CRISPLD2: variants seen among roughly 807,000 people sequenced by gnomAD.
CRISPLD2 encodes cysteine rich secretory protein LCCL domain containing 2, also known as cysteine-rich secretory protein LCCL domain-containing 2.
Under a neutral mutation model 71.1 loss-of-function variants are expected in CRISPLD2, and 47 were observed. The observed-to-expected ratio is 0.66, with a 90% CI of 0.52 to 0.84. CRISPLD2 has a LOEUF of 0.84. Among genes scored for constraint, CRISPLD2 ranks in the 40% least tolerant of loss-of-function variants. The probability of loss-of-function intolerance (pLI) is 0.00; values close to 1 mark genes in which losing one functional copy is unlikely to be tolerated. For missense variants in CRISPLD2, 830 were observed against 651.1 expected (o/e 1.27, Z -2.99); for synonymous variants, 317 against 250.1 (o/e 1.27, Z -2.52).
chr16:84,882,367 A>T (rs4782679), intron 13 of CRISPLD2, among the ~76,000 whole-genome samples: 1 of 101,632 alleles, frequency 9.8e-6, no homozygotes, highest in Non-Finnish European at 2.0e-5. Context: ...AAAAAAAAAA[A>T]AAAAGCAAGA....
In CRISPLD2 at chr16:84,873,013, G is replaced by T; in HGVS notation, c.1003G>T (p.Ala335Ser). ...CCAGTCGTCTAGCATATGCCGCGCC[G>T]CCATCCACTACGGGATCCTGGATGA... ...YESSSSICRA[A>S]IHYGILDDKG... The change falls in exon 10 of 15, where the codon GCC (alanine) becomes TCC (serine). Residue 335 changes from alanine to serine, a missense_variant. Transcript: ENST00000262424. 1 of 1,613,140 alleles carries T rather than the reference G, an allele frequency of 6.2e-7. No homozygotes were observed. The highest frequency in any genetic ancestry group is 8.5e-7 in the Non-Finnish European group (1 of 1,179,638).
intron 5 of CRISPLD2, 83 bp from the exon 6 acceptor site, chr16:84,854,646 C>T: frequency 1.0e-6 from 1 of 965,264 alleles, no homozygotes; most frequent in Admixed American, 1.7e-5. Flanking sequence ...TGTTCAGGGA[C>T]TCACGTGGGC....
chr16:84,903,353 G>C (rs1356500773), intron 14 of CRISPLD2, among the ~76,000 whole-genome samples: 1 of 152,010 alleles, frequency 6.6e-6, no homozygotes, highest in Non-Finnish European at 1.5e-5. Context: ...GAGGCAGGCG[G>C]ATCATGAGCT....
chr16:84,827,650 T>C (rs1284836549), intron 1 of CRISPLD2, among the ~76,000 whole-genome samples: 1 of 151,406 alleles, frequency 6.6e-6, no homozygotes, highest in African/African-American at 2.4e-5. Context: ...CTTTGCAACC[T>C]TCACCTCCCG....
intron 13 of CRISPLD2, 32 bp downstream of exon 13, chr16:84,880,616 G>C (rs778111525): frequency 6.3e-7 from 1 of 1,586,180 alleles, no homozygotes; most frequent in East Asian, 2.2e-5. Context: ...CAACTATCTC[G>C]CAAAGCCTGT....
intron 6 of CRISPLD2, among the ~76,000 whole-genome samples, chr16:84,859,550 A>G (rs1917328542): frequency 6.6e-6 from 1 of 152,170 alleles, no homozygotes; most frequent in Non-Finnish European, 1.5e-5. Context: ...CCTTCATTCA[A>G]GGGATTCTGG....
Position 84,831,058 on chromosome 16 carries a change from G to A in CRISPLD2, c.-74-7364G>A, listed in dbSNP as rs148933572. Among the ~76,000 whole-genome samples, 247 of 152,282 alleles carry A rather than the reference G, an allele frequency of 1.6e-3. 2 individuals carry two copies. The highest frequency in any genetic ancestry group is 5.4e-3 in the African/African-American group (225 of 41,572). On this transcript the variant is annotated intron_variant, in intron 1 of 14. Coordinates refer to ENST00000262424, the MANE Select transcript of CRISPLD2 (RefSeq NM_031476.4). The stretch of plus-strand genomic sequence containing the variant: ...CACTGTTCCGGCCCTTGAGAAGCTC[G>A]GGGTCCAGGGAGGGAGGCTGAGAGT...
chr16:84,825,552 T>G (rs1916331193), intron 1 of CRISPLD2, among the ~76,000 whole-genome samples: 1 of 152,114 alleles, frequency 6.6e-6, no homozygotes, highest in Non-Finnish European at 1.5e-5. Flanking sequence ...GGTCAGGAGT[T>G]CGAGACCAGC....
At chr16:84,855,431 C>T (rs1344967826) in intron 6 of CRISPLD2, among the ~76,000 whole-genome samples, 2 of 152,226 alleles carry the variant, frequency 1.3e-5, no homozygotes, top group African/African-American at 4.8e-5. Context: ...GGGCAGGAAG[C>T]ATCCAGCACG....
At chr16:84,872,656 A>T (rs142773203) in intron 9 of CRISPLD2, 148 bp downstream of exon 9, 2 of 740,338 alleles carry the variant, frequency 2.7e-6, no homozygotes, top group Non-Finnish European at 4.5e-6. Context: ...GTGTATATTT[A>T]TGGGCTTACA....
intron 7 of CRISPLD2, among the ~76,000 whole-genome samples, chr16:84,868,428 C>T (rs983216523): frequency 2.0e-5 from 3 of 152,124 alleles, no homozygotes; most frequent in Non-Finnish European, 2.9e-5. Flanking sequence ...GCTGGGTCTC[C>T]GGCCCCACAG....
intron 6 of CRISPLD2, among the ~76,000 whole-genome samples, chr16:84,864,455 C>G (rs1917480870): frequency 1.3e-5 from 2 of 152,192 alleles, no homozygotes; most frequent in Non-Finnish European, 2.9e-5. Context: ...GGCTTATTCT[C>G]CAGCCAGCTC....
At chr16:84,903,783 C>T (rs2071776651) in intron 14 of CRISPLD2, among the ~76,000 whole-genome samples, 1 of 152,150 alleles carries the variant, frequency 6.6e-6, no homozygotes, top group African/African-American at 2.4e-5. Flanking sequence ...TGTTTCAGGA[C>T]TCCAGAAATA....
intron 11 of CRISPLD2, among the ~76,000 whole-genome samples, chr16:84,877,029 G>A (rs1230617989): frequency 6.6e-6 from 1 of 152,162 alleles, no homozygotes; most frequent in Non-Finnish European, 1.5e-5. Context: ...TGGAAAGCTG[G>A]GCTCCCACCT....
chr16:84,847,466 A>G (rs1916946574), intron 3 of CRISPLD2, among the ~76,000 whole-genome samples: 2 of 152,194 alleles, frequency 1.3e-5, no homozygotes, highest in Admixed American at 1.3e-4. Context: ...CCTGGCCAAC[A>G]TAGTGAAACC....
rs369066061 is a variant in CRISPLD2, at chr16:84,892,300, G to A, written c.1439+2937G>A. On this transcript the variant is annotated intron_variant, in intron 14 of 14. Transcript: ENST00000262424. ...CCTGCGTCTGAGCAGGTCCTCGGGG[G>A]CATCGTGCTGCATGCTCGACTGTGA... 4.6e-5 allele frequency among the ~76,000 whole-genome samples: 7 copies of A among 152,224 alleles called. No homozygotes were observed. The East Asian group carries it at 9.6e-4, about 21-fold the overall frequency.
chr16:84,820,355 A>T (rs72799542), intron 1 of CRISPLD2, among the ~76,000 whole-genome samples: 8,919 of 152,050 alleles, frequency 0.059, 284 homozygotes, highest in South Asian at 0.16. Context: ...CGCAGCCAGG[A>T]CTCCAAGGAC....
Position 84,854,727 on chromosome 16 carries a change from A to AG in CRISPLD2, c.612dup. ...GACGGTTGTTTTTGGGTCTGTCCTC[A>AG]GGGGGAACTGGATTGGAGAAGCCCC... On this transcript the variant is annotated splice_acceptor_variant, in intron 5 of 14. Transcript: ENST00000262424. LOFTEE classifies it high-confidence loss of function. The AG allele has an allele frequency of 6.2e-7, 1 of 1,613,454 alleles. No homozygotes were observed. Among genetic ancestry groups the AG allele is most frequent in the Non-Finnish European group, 8.5e-7 (1 of 1,179,408 alleles).
At position 84,838,406 on chromosome 16, in the gene CRISPLD2, C is replaced by G. The variant is rs1198041028; in HGVS notation, c.-74-16C>G. 6 of 1,510,866 alleles carry G rather than the reference C, an allele frequency of 4.0e-6. No homozygotes were observed. The East Asian group carries it at 6.8e-5, about 17-fold the overall frequency. The allele number at this position is 1,510,866 out of a possible 1,614,324, so 93.6% of individuals were successfully genotyped here. ...TACTAATGCGACTTCTCCCACCACC[C>G]TCTGCTTCCTTTCAGAGCTCAAGCG... On this transcript the variant is annotated splice_polypyrimidine_tract_variant and intron_variant, in intron 1 of 14. Transcript: ENST00000262424.
Sources: allele counts gnomAD v4.1 joint callset (sites outside exome capture counted in the v4.1 genomes callset), GRCh38; gene constraint gnomAD v4.1.1; transcripts MANE v1.5; gene names NCBI Gene and HGNC (gene_info 2026-07-23, HGNC 2026-07-21).